Variants in PTPRD observed in about 807,000 individuals in gnomAD.
PTPRD encodes the protein protein tyrosine phosphatase receptor type D.
PTPRD carries 34 observed loss-of-function variants against 214.5 expected under a neutral mutation model. That is an observed-to-expected ratio of 0.16 (90% confidence interval 0.12 to 0.21). The LOEUF (loss-of-function observed/expected upper bound fraction) is 0.21, where lower values mean the gene tolerates loss of function less well. Among genes scored for constraint, PTPRD ranks in the 10% least tolerant of loss-of-function variants. PTPRD has a pLI of 1.00. For missense variants in PTPRD, 2,545 were observed against 2,398.7 expected (o/e 1.06, Z -1.27); for synonymous variants, 1,128 against 845.7 (o/e 1.33, Z -5.79).
intron 5 of PTPRD, among the ~76,000 whole-genome samples, chr9:9,937,948 G>C (rs2090148947): frequency 6.6e-6 from 1 of 152,140 alleles, no homozygotes; most frequent in Non-Finnish European, 1.5e-5. Flanking sequence ...ACTCAGAGTG[G>C]ATCATAACTG....
At chr9:10,284,062 C>G (rs770592570) in intron 3 of PTPRD, among the ~76,000 whole-genome samples, 1 of 152,066 alleles carries the variant, frequency 6.6e-6, no homozygotes, top group African/African-American at 2.4e-5. Context: ...ACTCTCTGCT[C>G]GGCTTATCTC....
chr9:10,284,499 G>C (rs1424547202), intron 3 of PTPRD, among the ~76,000 whole-genome samples: 1 of 152,144 alleles, frequency 6.6e-6, no homozygotes, highest in Non-Finnish European at 1.5e-5. Flanking sequence ...TCTTTTTTCT[G>C]TAAGAGATCA....
At chr9:8,514,165 A>T (rs1212410538) in intron 21 of PTPRD, among the ~76,000 whole-genome samples, 1 of 152,126 alleles carries the variant, frequency 6.6e-6, no homozygotes, top group African/African-American at 2.4e-5. Flanking sequence ...TCCACTGGTC[A>T]TATAAAAAAA....
At chr9:9,976,753 G>T (rs1406391717) in intron 4 of PTPRD, among the ~76,000 whole-genome samples, 1 of 141,966 alleles carries the variant, frequency 7.0e-6, no homozygotes, top group East Asian at 2.3e-4. Context: ...ACCACTAGCT[G>T]ACTATTAATG....
intron 43 of PTPRD, among the ~76,000 whole-genome samples, chr9:8,337,063 A>G (rs1358382039): frequency 6.6e-6 from 1 of 152,190 alleles, no homozygotes; most frequent in Non-Finnish European, 1.5e-5. Context: ...ATCTAGAACC[A>G]GAAATACCAT....
intron 5 of PTPRD, among the ~76,000 whole-genome samples, chr9:9,917,821 T>C (rs78144647): frequency 0.017 from 2,593 of 152,132 alleles, 144 homozygotes; most frequent in East Asian, 0.14. Context: ...ATCACATTTG[T>C]AGAATGAAGG....
At chr9:9,020,596 G>T (rs1246585766) in intron 10 of PTPRD, among the ~76,000 whole-genome samples, 1 of 152,150 alleles carries the variant, frequency 6.6e-6, no homozygotes, top group African/African-American at 2.4e-5. Flanking sequence ...TTCTGAGGTG[G>T]TAAAGACTGA....
chr9:8,899,167 T>C (rs931659590), intron 11 of PTPRD, among the ~76,000 whole-genome samples: 4 of 152,140 alleles, frequency 2.6e-5, no homozygotes, highest in African/African-American at 7.2e-5. Flanking sequence ...GCAGGGCTTA[T>C]AAAGCCATCT....
At chr9:9,419,466 T>A (rs1282971561) in intron 8 of PTPRD, among the ~76,000 whole-genome samples, 5 of 151,766 alleles carry the variant, frequency 3.3e-5, no homozygotes, top group South Asian at 4.1e-4. Flanking sequence ...ATTATCTCTT[T>A]CAGAAATAAT....
chr9:8,605,069 C>T (rs1209115174), intron 14 of PTPRD, among the ~76,000 whole-genome samples: 3 of 152,096 alleles, frequency 2.0e-5, no homozygotes, highest in Non-Finnish European at 4.4e-5. Flanking sequence ...CTCTTGGTAA[C>T]CTCTGGCCTA....
At chr9:9,542,407 A>T (rs2077802908) in intron 8 of PTPRD, among the ~76,000 whole-genome samples, 1 of 151,754 alleles carries the variant, frequency 6.6e-6, no homozygotes, top group Admixed American at 6.6e-5. Flanking sequence ...CTTATACAGG[A>T]CACAAAAGCT....
intron 12 of PTPRD, among the ~76,000 whole-genome samples, chr9:8,662,208 G>A (rs2097073427): frequency 6.6e-6 from 1 of 152,134 alleles, no homozygotes; most frequent in South Asian, 2.1e-4. Context: ...TTACATAAAT[G>A]TATATGAAGA....
chr9:8,410,285 A>C (rs1362549540), intron 35 of PTPRD, among the ~76,000 whole-genome samples: 1 of 152,208 alleles, frequency 6.6e-6, no homozygotes, highest in Non-Finnish European at 1.5e-5. Context: ...CTGAAATGTG[A>C]GGAAGGAGTG....
intron 3 of PTPRD, among the ~76,000 whole-genome samples, chr9:10,202,184 T>C (rs2099428745): frequency 6.6e-6 from 1 of 152,034 alleles, no homozygotes; most frequent in Non-Finnish European, 1.5e-5. Flanking sequence ...ATGCTGCTCT[T>C]GAGAACAAAA....
At chr9:8,550,024 C>A (rs532595071) in intron 14 of PTPRD, among the ~76,000 whole-genome samples, 1 of 152,118 alleles carries the variant, frequency 6.6e-6, no homozygotes. Flanking sequence ...TTGAACTGAA[C>A]CAAGCTCAAA....
intron 35 of PTPRD, among the ~76,000 whole-genome samples, chr9:8,430,038 A>G (rs913295410): frequency 6.6e-6 from 1 of 152,112 alleles, no homozygotes; most frequent in African/African-American, 2.4e-5. Context: ...GCTGACAGGA[A>G]CTCAGAAAAA....
At chr9:8,793,906 G>A (rs2096319350) in intron 11 of PTPRD, among the ~76,000 whole-genome samples, 1 of 152,156 alleles carries the variant, frequency 6.6e-6, no homozygotes, top group Admixed American at 6.5e-5. Context: ...GGCTATCAGA[G>A]GAAGAGGTCT....
chr9:9,371,712 C>G (rs1027245397), intron 9 of PTPRD, among the ~76,000 whole-genome samples: 13 of 152,080 alleles, frequency 8.5e-5, no homozygotes, highest in African/African-American at 2.9e-4. Flanking sequence ...GTTAGGGTGT[C>G]AATTTTAGAT....
chr9:9,698,822 G>C lies in PTPRD; in HGVS notation c.-287+35711C>G, dbSNP rs1216030065. On this transcript the variant is annotated intron_variant, in intron 7 of 45. Coordinates refer to ENST00000381196, the MANE Select transcript of PTPRD (RefSeq NM_002839.4). The stretch of plus-strand genomic sequence containing the variant: ...CTTGGTGCCTGGAAGATTTGAGAAA[G>C]GGCATCACAGATATAAAAGTCTGAT... Among the ~76,000 whole-genome samples, 3 of 152,174 alleles carry C rather than the reference G, an allele frequency of 2.0e-5. No homozygotes were observed. The South Asian group carries it at 6.2e-4, about 31-fold the overall frequency.
Sources: gnomAD v4.1 joint callset for allele counts (sites outside exome capture counted in the v4.1 genomes callset) on GRCh38, gnomAD v4.1.1 for gene constraint, MANE v1.5 for transcripts, NCBI Gene and HGNC (gene_info 2026-07-23, HGNC 2026-07-21) for gene names.